FADS2: variants seen among roughly 807,000 people sequenced by gnomAD.
FADS2 encodes acyl-CoA 6-desaturase.
In FADS2, 18 loss-of-function variants were observed where a neutral mutation model predicts 61.2. The observed-to-expected ratio is 0.29, with a 90% CI of 0.20 to 0.44. The LOEUF is 0.44. FADS2 is among the 20% of genes least tolerant of loss of function. The probability of loss-of-function intolerance (pLI) is 1.00; values close to 1 mark genes in which losing one functional copy is unlikely to be tolerated. For synonymous variants in FADS2, 203 were observed against 223.9 expected, an observed-to-expected ratio of 0.91 and a Z score of 0.83; for missense variants, 322 against 572.7, an observed-to-expected ratio of 0.56 and a Z score of 4.47.
At position 61,840,555 on chromosome 11, in the gene FADS2, C is replaced by G. The variant is rs761046306; in HGVS notation, c.516+24C>G. Reference sequence around the variant, plus strand: ...AGGTGAGGCGTGACACCCTCACTTCCCCTAGCTGACAGAGGCCTGGTGCCT... The same window carrying G: ...AGGTGAGGCGTGACACCCTCACTTCGCCTAGCTGACAGAGGCCTGGTGCCT... On this transcript the variant is annotated intron_variant, in intron 3 of 11. Transcript: ENST00000278840. 4.3e-6 allele frequency: 7 copies of G among 1,613,626 alleles called. No individual in the cohort carries two copies. The Admixed American group carries it at 1.0e-4, about 23-fold the overall frequency.
chr11:61,839,133 T>C (rs1486886164), intron 2 of FADS2, among the ~76,000 whole-genome samples: 1 of 151,804 alleles, frequency 6.6e-6, no homozygotes, highest in Non-Finnish European at 1.5e-5. Flanking sequence ...GGGCCCTCCT[T>C]GACTCCGCTT....
chr11:61,859,760 G>A (rs2067397191), intron 7 of FADS2, among the ~76,000 whole-genome samples: 1 of 140,138 alleles, frequency 7.1e-6, no homozygotes, highest in African/African-American at 2.9e-5. Context: ...GCCGAGGCGG[G>A]CAGATCATGA....
Position 61,816,540 on chromosome 11 carries a change from C to A in FADS2, c.141+114C>A, listed in dbSNP as rs896283275. ...GGTCCCGCCCTCTCCTGTGCCCCCGCCTGGCTGCGCTCACCGTGGCATCCT... is the reference window on the plus strand; with the variant it reads ...GGTCCCGCCCTCTCCTGTGCCCCCGACTGGCTGCGCTCACCGTGGCATCCT... On this transcript the variant is annotated intron_variant, in intron 1 of 11. Coordinates refer to the FADS2 transcript ENST00000257261. This position sits in a 1 kb window ranked among gnomAD's most constrained non-coding sequence, Gnocchi z 7.0. The A allele has an allele frequency of 1.9e-6, 3 of 1,598,970 alleles. No homozygotes were observed. The highest frequency in any genetic ancestry group is 3.5e-5 in the Admixed American group (2 of 57,572).
At chr11:61,847,522 CA>C (rs1374295804) in intron 4 of FADS2, 1 of 152,834 alleles carries the variant, frequency 6.5e-6, no homozygotes, top group Non-Finnish European at 1.5e-5. Context: ...GCATGTTCTC[CA>C]GGCTCATCCG....
In FADS2 at chr11:61,866,395, G is replaced by T. The variant is rs185055993; in HGVS notation, c.*706G>T. Reference sequence around the variant, plus strand: ...GGGCTTTCACGGGCCCCATTCCACCGCCTCCCCAACTTGAGCCTGTGACCT... The same window carrying T: ...GGGCTTTCACGGGCCCCATTCCACCTCCTCCCCAACTTGAGCCTGTGACCT... On this transcript the variant is annotated 3_prime_UTR_variant, in exon 12 of 12. Transcript: ENST00000278840. 1 of 169,008 alleles carries T rather than the reference G, an allele frequency of 5.9e-6. No homozygotes were observed. The highest frequency in any genetic ancestry group is 2.4e-5 in the African/African-American group (1 of 42,338). 10.5% of individuals were successfully genotyped at this position (169,008 alleles called of 1,614,324 possible). A position where few individuals can be genotyped will look rare whatever the true frequency, so the allele number is the denominator to read the frequency against.
At chr11:61,853,277 TCCCTCCCTC>T (rs1337990030) in intron 5 of FADS2, among the ~76,000 whole-genome samples, 3 of 48,038 alleles carry the variant, frequency 6.2e-5, no homozygotes, top group Non-Finnish European at 3.7e-5. Flanking sequence ...CTCCCTCCCT[TCCCTCCCTC>T]CCTCCCTTCC....
chr11:61,835,868 A>C (rs1366112473), intron 1 of FADS2, among the ~76,000 whole-genome samples: 1 of 152,198 alleles, frequency 6.6e-6, no homozygotes, highest in African/African-American at 2.4e-5. Flanking sequence ...TTGTGTGATC[A>C]CATCCCTAAG....
intron 1 of FADS2, among the ~76,000 whole-genome samples, chr11:61,819,608 A>G (rs2067021807): frequency 6.6e-6 from 1 of 152,246 alleles, no homozygotes; most frequent in African/African-American, 2.4e-5. Context: ...TATCTATGAT[A>G]GCGGGAAATG....
chr11:61,818,544 G>A (rs1294025727), intron 1 of FADS2, among the ~76,000 whole-genome samples: 2 of 152,176 alleles, frequency 1.3e-5, no homozygotes, highest in African/African-American at 2.4e-5. Flanking sequence ...AAATAAACCC[G>A]AGTCCTGACA....
intron 1 of FADS2, among the ~76,000 whole-genome samples, chr11:61,819,949 G>A (rs575524760): frequency 7.4e-5 from 11 of 148,654 alleles, no homozygotes; most frequent in South Asian, 2.1e-4. Context: ...TAGGTTGGGC[G>A]CGGTGGCTCA....
upstream of FADS2, chr11:61,826,626 C>G (rs1361100736): frequency 1.8e-6 from 1 of 559,586 alleles, no homozygotes; most frequent in Non-Finnish European, 3.2e-6. Flanking sequence ...GTACAGAAGG[C>G]TTTTGTTTGG....
At chr11:61,837,142 G>A (rs1565329126) in intron 1 of FADS2, among the ~76,000 whole-genome samples, 2 of 152,156 alleles carry the variant, frequency 1.3e-5, no homozygotes, top group Non-Finnish European at 2.9e-5. Context: ...TATCATTATA[G>A]CAGTGTTAGA....
intron 1 of FADS2, among the ~76,000 whole-genome samples, chr11:61,818,549 C>T (rs1471314266): frequency 6.6e-6 from 1 of 152,156 alleles, no homozygotes; most frequent in East Asian, 1.9e-4. Context: ...AACCCGAGTC[C>T]TGACAATAAG....
At chr11:61,824,038 T>C (rs1038137808), upstream of FADS2, among the ~76,000 whole-genome samples, 1 of 152,156 alleles carries the variant, frequency 6.6e-6, no homozygotes, top group Non-Finnish European at 1.5e-5. Context: ...CACTTTCACA[T>C]ACCTTGTGTC....
At chr11:61,861,627 C>T (rs1452321416) in intron 7 of FADS2, among the ~76,000 whole-genome samples, 1 of 152,226 alleles carries the variant, frequency 6.6e-6, no homozygotes, top group Admixed American at 6.5e-5. Flanking sequence ...CCCTCCTCAC[C>T]TTGAAGGCCA....
In FADS2 at chr11:61,865,745, G is replaced by T; in HGVS notation, c.*56G>T. On this transcript the variant is annotated 3_prime_UTR_variant, in exon 12 of 12. Transcript: ENST00000278840. This position sits in a 1 kb window ranked among gnomAD's most constrained non-coding sequence, Gnocchi z 4.1. ...GGGTGCAGGTGGGGTGATGGCCAGA[G>T]GAATGATGGGCTTTTGTTCTGAGGG... The T allele has an allele frequency of 6.8e-7, 1 of 1,468,636 alleles. No homozygotes were observed. Among genetic ancestry groups the T allele is most frequent in the South Asian group, 1.2e-5 (1 of 85,438 alleles). The allele number at this position is 1,468,636 out of a possible 1,614,324, so 91.0% of individuals were successfully genotyped here. A position where few individuals can be genotyped will look rare whatever the true frequency, so the allele number is the denominator to read the frequency against.
At chr11:61,833,021 A>G (rs2067141440) in intron 1 of FADS2, among the ~76,000 whole-genome samples, 1 of 152,208 alleles carries the variant, frequency 6.6e-6, no homozygotes, top group Non-Finnish European at 1.5e-5. Flanking sequence ...GGGCAGGGGC[A>G]GGGAAAATGT....
At chr11:61,830,567 C>T (rs1024883102) in intron 1 of FADS2, among the ~76,000 whole-genome samples, 5 of 152,196 alleles carry the variant, frequency 3.3e-5, no homozygotes, top group African/African-American at 9.7e-5. Context: ...ATTTCTGGTC[C>T]TGCTCCAGCG....
intron 5 of FADS2, among the ~76,000 whole-genome samples, chr11:61,851,171 G>A (rs2067303710): frequency 6.6e-6 from 1 of 152,170 alleles, no homozygotes; most frequent in Non-Finnish European, 1.5e-5. Context: ...GATAAGTGGG[G>A]ACAAAGGCTT....
Sources: gnomAD v4.1 joint callset for allele counts (sites outside exome capture counted in the v4.1 genomes callset) on GRCh38, gnomAD v4.1.1 for gene constraint, Gnocchi (gnomAD v3.1) non-coding constraint, MANE v1.5 for transcripts, NCBI Gene and HGNC (gene_info 2026-07-23, HGNC 2026-07-21) for gene names.